The following ST6GALNAC5 variants were observed in gnomAD, a reference collection of about 807,000 sequenced individuals.
ST6GALNAC5 encodes the protein ST6 N-acetylgalactosaminide alpha-2,6-sialyltransferase 5.
In ST6GALNAC5, 27 loss-of-function variants were observed where a neutral mutation model predicts 33.6. That is an observed-to-expected ratio of 0.80 (90% CI 0.59 to 1.11). The LOEUF (loss-of-function observed/expected upper bound fraction) is 1.11. ST6GALNAC5 is among the 50% of genes least tolerant of loss of function. ST6GALNAC5 has a pLI of 0.00. For missense variants in ST6GALNAC5, 428 were observed against 454.0 expected (o/e 0.94, Z 0.52); for synonymous variants, 194 against 171.2 (o/e 1.13, Z -1.04).
intron 2 of ST6GALNAC5, among the ~76,000 whole-genome samples, chr1:77,032,925 A>G (rs1408911982): frequency 5.9e-5 from 9 of 152,202 alleles, no homozygotes; most frequent in Non-Finnish European, 1.2e-4. Flanking sequence ...CAAACAGCAG[A>G]GGCCAGAGAA....
At chr1:76,974,046 AC>A (rs1004294592) in intron 2 of ST6GALNAC5, among the ~76,000 whole-genome samples, 3 of 152,092 alleles carry the variant, frequency 2.0e-5, no homozygotes, top group African/African-American at 7.2e-5. Context: ...GAATAAAAAA[AC>A]AACTAATTTT....
At chr1:77,012,760 C>T (rs1285214750) in intron 2 of ST6GALNAC5, among the ~76,000 whole-genome samples, 1 of 152,078 alleles carries the variant, frequency 6.6e-6, no homozygotes, top group Non-Finnish European at 1.5e-5. Flanking sequence ...CATTCATAAA[C>T]ATTTATTGGG....
chr1:76,914,422 G>A (rs912640208), intron 2 of ST6GALNAC5, among the ~76,000 whole-genome samples: 11 of 152,192 alleles, frequency 7.2e-5, no homozygotes, highest in South Asian at 2.1e-4. Context: ...GAGGCATCAC[G>A]CTACCTGACT....
chr1:76,930,341 C>A (rs1437149300), intron 2 of ST6GALNAC5, among the ~76,000 whole-genome samples: 1 of 115,110 alleles, frequency 8.7e-6, no homozygotes, highest in African/African-American at 3.3e-5. Context: ...TAAATAAACC[C>A]ACTGGTCATG....
In ST6GALNAC5 at chr1:76,972,475, C is replaced by A. The variant is rs144188950; in HGVS notation, c.262-71729C>A. Among the ~76,000 whole-genome samples the A allele has an allele frequency of 1.9e-4, 29 of 152,112 alleles. 1 individual carries two copies. Among genetic ancestry groups the A allele is most frequent in the African/African-American group, 7.0e-4 (29 of 41,498 alleles). On this transcript the variant is annotated intron_variant, in intron 2 of 4. Coordinates refer to ENST00000477717, the MANE Select transcript of ST6GALNAC5 (RefSeq NM_030965.3). ...CATGATTATGCATCTTCCTTTTTAC[C>A]TTATATATTTAAAAGCATTTCATAG...
At chr1:76,956,928 C>G (rs144003831) in intron 2 of ST6GALNAC5, among the ~76,000 whole-genome samples, 29 of 152,224 alleles carry the variant, frequency 1.9e-4, no homozygotes, top group African/African-American at 6.5e-4. Context: ...GGGAGATAAC[C>G]TCTATTGATT....
intron 2 of ST6GALNAC5, among the ~76,000 whole-genome samples, chr1:77,016,599 G>T (rs561413657): frequency 2.0e-5 from 3 of 152,034 alleles, no homozygotes; most frequent in South Asian, 4.2e-4. Context: ...ATTAGAGATG[G>T]AGCTGGGATT....
intron 3 of ST6GALNAC5, among the ~76,000 whole-genome samples, chr1:77,047,246 T>G (rs1393626863): frequency 6.6e-6 from 1 of 152,172 alleles, no homozygotes; most frequent in African/African-American, 2.4e-5. Flanking sequence ...CAATACTCTA[T>G]TGACTTAATA....
At chr1:77,044,176 A>G (rs1651924004) in intron 2 of ST6GALNAC5, 28 bp from the exon 3 acceptor site, 3 of 1,570,110 alleles carry the variant, frequency 1.9e-6, no homozygotes, top group Non-Finnish European at 1.7e-6. Flanking sequence ...TTTGCCCCTG[A>G]CAGTGTCCTT....
chr1:77,062,667 A>T (rs1652617815), intron 4 of ST6GALNAC5, among the ~76,000 whole-genome samples: 1 of 152,136 alleles, frequency 6.6e-6, no homozygotes, highest in African/African-American at 2.4e-5. Flanking sequence ...TGGTAAATAG[A>T]CTGTAAGAAG....
chr1:76,896,621 G>A (rs965688647), intron 2 of ST6GALNAC5, among the ~76,000 whole-genome samples: 1 of 152,152 alleles, frequency 6.6e-6, no homozygotes, highest in Non-Finnish European at 1.5e-5. Flanking sequence ...ACAGTCATGG[G>A]GGTCAGGTGT....
At chr1:76,916,645 C>G (rs1383729186) in intron 2 of ST6GALNAC5, among the ~76,000 whole-genome samples, 1 of 151,940 alleles carries the variant, frequency 6.6e-6, no homozygotes, top group Non-Finnish European at 1.5e-5. Context: ...ATAAACTGTT[C>G]CATATTTCTC....
chr1:76,917,751 G>A (rs997669391), intron 2 of ST6GALNAC5, among the ~76,000 whole-genome samples: 7 of 152,038 alleles, frequency 4.6e-5, no homozygotes, highest in African/African-American at 7.2e-5. Context: ...TCTCCAGGCT[G>A]GAGACCCAGG....
intron 2 of ST6GALNAC5, among the ~76,000 whole-genome samples, chr1:76,882,023 C>A (rs747481053): frequency 2.0e-5 from 3 of 152,170 alleles, no homozygotes; most frequent in Admixed American, 2.0e-4. Flanking sequence ...AGTGACTCAA[C>A]ATTATTTGGA....
intron 2 of ST6GALNAC5, among the ~76,000 whole-genome samples, chr1:76,917,602 G>C (rs751689899): frequency 6.6e-6 from 1 of 151,210 alleles, no homozygotes. Context: ...TAGTGTATTA[G>C]GGTTCTCCAG....
chr1:76,960,871 T>G (rs1367624997), intron 2 of ST6GALNAC5, among the ~76,000 whole-genome samples: 1 of 152,188 alleles, frequency 6.6e-6, no homozygotes, highest in Non-Finnish European at 1.5e-5. Flanking sequence ...GATTTCATAT[T>G]GTTCAAACAC....
intron 2 of ST6GALNAC5, among the ~76,000 whole-genome samples, chr1:76,973,397 T>G (rs1648843644): frequency 7.0e-6 from 1 of 143,418 alleles, no homozygotes. Context: ...AATTTCCTCT[T>G]ACTCAGGAAG....
chr1:76,950,280 A>G (rs745776334), intron 2 of ST6GALNAC5, among the ~76,000 whole-genome samples: 3 of 152,180 alleles, frequency 2.0e-5, no homozygotes, highest in Non-Finnish European at 2.9e-5. Context: ...GGTATCAAGA[A>G]CAGTGACATG....
chr1:76,998,228 C>CA (rs1287153943), intron 2 of ST6GALNAC5, among the ~76,000 whole-genome samples: 3 of 151,752 alleles, frequency 2.0e-5, no homozygotes, highest in Non-Finnish European at 2.9e-5. Context: ...AAAACATACC[C>CA]AAAAAATGAA....
Sources: allele counts gnomAD v4.1 joint callset (sites outside exome capture counted in the v4.1 genomes callset), GRCh38; gene constraint gnomAD v4.1.1; transcripts MANE v1.5; gene names NCBI Gene and HGNC (gene_info 2026-07-23, HGNC 2026-07-21).